The following RBM28 variants were observed in gnomAD, a reference collection of about 807,000 sequenced individuals.
The protein encoded by RBM28 is RNA-binding protein 28.
Under a neutral mutation model 98.3 loss-of-function variants are expected in RBM28, and 78 were observed. The observed-to-expected ratio is 0.79, with a 90% confidence interval of 0.66 to 0.96. The LOEUF (loss-of-function observed/expected upper bound fraction) is 0.96, where lower values mean the gene tolerates loss of function less well. Among genes scored for constraint, RBM28 ranks in the 40% least tolerant of loss-of-function variants. The probability of loss-of-function intolerance (pLI) is 0.00; values close to 1 mark genes in which losing one functional copy is unlikely to be tolerated. For synonymous variants in RBM28, 306 were observed against 330.9 expected (o/e 0.92, Z 0.82); for missense variants, 838 against 913.0 (o/e 0.92, Z 1.06).
In RBM28 at chr7:128,302,423, G is replaced by C. The variant is rs1280859127; in HGVS notation, c.*8374C>G. The C allele has an allele frequency of 6.6e-6, 1 of 152,222 alleles. No individual in the cohort carries two copies. Among genetic ancestry groups the C allele is most frequent in the African/African-American group, 2.4e-5 (1 of 41,446 alleles). 9.4% of individuals were successfully genotyped at this position (152,222 alleles called of 1,614,324 possible). ...CGTCAAATTGCCACAGCTCTCCCCA[G>C]AGATTTTCATGGCTATGGAAAATAA... On this transcript the variant is annotated 3_prime_UTR_variant, in exon 19 of 19. Transcript: ENST00000223073.
At chr7:128,331,657 C>G (rs1274284998) in intron 9 of RBM28, among the ~76,000 whole-genome samples, 1 of 151,840 alleles carries the variant, frequency 6.6e-6, no homozygotes, top group Non-Finnish European at 1.5e-5. Context: ...AAAGCAAATA[C>G]AGTAAAATTT....
chr7:128,343,898 A>G lies in RBM28; in HGVS notation c.-105T>C, dbSNP rs2116403678. Reference sequence around the variant, plus strand: ...GACAACCAAGCTCACACGCCGAGAGATTCCGGAAGTGCTCGTTGCCCAAAA... The same window carrying G: ...GACAACCAAGCTCACACGCCGAGAGGTTCCGGAAGTGCTCGTTGCCCAAAA... On this transcript the variant is annotated 5_prime_UTR_variant, in exon 1 of 19. Transcript: ENST00000223073. The G allele has an allele frequency of 1.4e-6, 1 of 714,288 alleles. No homozygotes were observed. 44.2% of individuals were successfully genotyped at this position (714,288 alleles called of 1,614,324 possible).
Position 128,338,298 on chromosome 7 carries a change from G to A in RBM28, c.493C>T (p.Leu165=), listed in dbSNP as rs1206160303. The A allele has an allele frequency of 6.2e-7, 1 of 1,614,118 alleles. No homozygotes were observed. The highest frequency in any genetic ancestry group is 1.1e-5 in the South Asian group (1 of 91,084). ...GFGFVQFKNL[L]EAGKALKGMN... ...CCTTTGAGAGCTTTACCTGCTTCTAGGAGGTTTTTGAACTGAACAAAACCA... is the reference window on the plus strand; with the variant it reads ...CCTTTGAGAGCTTTACCTGCTTCTAAGAGGTTTTTGAACTGAACAAAACCA... Residue 165 remains leucine, a synonymous_variant, in exon 5 of 19, where the codon CTA becomes TTA. Transcript: ENST00000223073.
chr7:128,334,996 C>G (rs1796566250), intron 8 of RBM28, among the ~76,000 whole-genome samples: 1 of 152,154 alleles, frequency 6.6e-6, no homozygotes, highest in South Asian at 2.1e-4. Flanking sequence ...AGAGCTGCAC[C>G]CAAAATGAAT....
chr7:128,321,263 C>T lies in RBM28; in HGVS notation c.1563+3G>A. 1 of 1,614,152 alleles carries T rather than the reference C, an allele frequency of 6.2e-7. No individual in the cohort carries two copies. The highest frequency in any genetic ancestry group is 1.1e-5 in the South Asian group (1 of 91,070). Reference sequence around the variant, plus strand: ...CTCCAAAATGGTCAGGGCCACGTCTCACCTCCTTGATGCGCACCCCTTTCT... The same window carrying T: ...CTCCAAAATGGTCAGGGCCACGTCTTACCTCCTTGATGCGCACCCCTTTCT... On this transcript the variant is annotated splice_donor_region_variant and intron_variant, in intron 14 of 18. Coordinates refer to ENST00000223073, the MANE Select transcript of RBM28 (RefSeq NM_018077.3).
Position 128,314,898 on chromosome 7 carries a change from C to A in RBM28, c.1911G>T (p.Glu637Asp). The change falls in exon 17 of 19, where the codon GAG (glutamate) becomes GAT (aspartate). Residue 637 changes from glutamate to aspartate, a missense_variant. Physicochemically the swap from Glu to Asp is conservative, Grantham distance 45 (BLOSUM62 2). Transcript: ENST00000223073. ...HTEEQSKVPP[E>D]QKRKAGSTSW... ...AGGTAGAGCCCGCCTTTCTCTTCTG[C>A]TCTGGGGGCACCTTGCTTTGTTCCT... The A allele has an allele frequency of 1.9e-6, 3 of 1,614,228 alleles. No homozygotes were observed. In the East Asian group the frequency reaches 6.7e-5, roughly 36 times the overall value.
intron 10 of RBM28, among the ~76,000 whole-genome samples, chr7:128,326,878 A>G (rs556439146): frequency 2.6e-5 from 4 of 152,048 alleles, no homozygotes; most frequent in Admixed American, 2.6e-4. Context: ...GGTGGCTTAC[A>G]CTTGTAATCC....
rs1796617447 is a variant in RBM28 at position 128,337,118 on chromosome 7, TACC to T, written c.613+10_613+12del. The T allele has an allele frequency of 6.2e-7, 1 of 1,613,420 alleles. No individual in the cohort carries two copies. The highest frequency in any genetic ancestry group is 1.1e-5 in the South Asian group (1 of 91,068). ...TACAACGCCCCTACTCACCCAACACTACCACATCTTACCTATAGCAGAAACAGA... is the reference window on the plus strand; with the variant it reads ...TACAACGCCCCTACTCACCCAACACTACATCTTACCTATAGCAGAAACAGA... On this transcript the variant is annotated intron_variant, in intron 6 of 18. Transcript: ENST00000223073.
chr7:128,319,406 G>A (rs77975033), intron 14 of RBM28, among the ~76,000 whole-genome samples: 3,726 of 152,186 alleles, frequency 0.024, 137 homozygotes, highest in African/African-American at 0.085. Flanking sequence ...CTAAGTATTC[G>A]GATGATAGGA....
chr7:128,325,570 G>A (rs1165933347), intron 11 of RBM28, among the ~76,000 whole-genome samples: 1 of 151,946 alleles, frequency 6.6e-6, no homozygotes, highest in Non-Finnish European at 1.5e-5. Flanking sequence ...ACAAATATCA[G>A]ATACGTTATT....
At chr7:128,319,349 T>C (rs1004448475) in intron 14 of RBM28, among the ~76,000 whole-genome samples, 2 of 152,190 alleles carry the variant, frequency 1.3e-5, no homozygotes, top group Non-Finnish European at 2.9e-5. Context: ...TATTCTAGAA[T>C]AAACATAAAT....
rs564192565 is a variant in RBM28, at chr7:128,313,184, C to G, written c.2136G>C (p.Ser712=). 1.1e-5 allele frequency: 18 copies of G among 1,613,768 alleles called. No homozygotes were observed. The highest frequency in any genetic ancestry group is 1.4e-5 in the Non-Finnish European group (17 of 1,179,786). ...NQWKQEKQQL[S]SEQVSRKKAK... ...GTCCTGCAGAACTCACCTGCTCGGACGATAATTGCTGCTTCTCCTGCTTCC... is the reference window on the plus strand; with the variant it reads ...GTCCTGCAGAACTCACCTGCTCGGAGGATAATTGCTGCTTCTCCTGCTTCC... Residue 712 remains serine (S), a synonymous_variant, in exon 18 of 19, where the codon TCG becomes TCC. Transcript: ENST00000223073.
Position 128,299,350 on chromosome 7 carries a change from G to A in RBM28, c.*11447C>T, listed in dbSNP as rs1370055783. ...CCATGCCTGGCCCTGGAGTGATTTA[G>A]GGCAGGGGGAATATTGGCTTGCTGT... On this transcript the variant is annotated 3_prime_UTR_variant, in exon 19 of 19. Transcript: ENST00000223073. The A allele has an allele frequency of 6.6e-6, 1 of 152,264 alleles. No individual in the cohort carries two copies. The highest frequency in any genetic ancestry group is 2.4e-5 in the African/African-American group (1 of 41,428). 9.4% of individuals were successfully genotyped at this position (152,264 alleles called of 1,614,324 possible). A position where few individuals can be genotyped will look rare whatever the true frequency, so the allele number is the denominator to read the frequency against.
chr7:128,310,970 TC>T (rs1481385071), intron 18 of RBM28, 39 bp from the exon 19 acceptor site: 1 of 1,590,038 alleles, frequency 6.3e-7, no homozygotes, highest in Non-Finnish European at 8.6e-7. Flanking sequence ...ATAATCAATT[TC>T]AAAGACTATA....
Position 128,330,998 on chromosome 7 carries a change from TGTAA to T in RBM28, c.1020-74_1020-71del, listed in dbSNP as rs1204588513. On this transcript the variant is annotated intron_variant, in intron 9 of 18. Coordinates refer to ENST00000223073, the MANE Select transcript of RBM28 (RefSeq NM_018077.3). ...AGTGAGATCCTATGTTCCAGGACAA[TGTAA>T]GTGAGTTAGATATCAACTCTCCCTT... The T allele has an allele frequency of 7.8e-6, 8 of 1,030,884 alleles. No individual in the cohort carries two copies. In the African/African-American group the frequency reaches 9.4e-5, roughly 12 times the overall value. The allele number at this position is 1,030,884 out of a possible 1,614,324, so 63.9% of individuals were successfully genotyped here. A position where few individuals can be genotyped will look rare whatever the true frequency, so the allele number is the denominator to read the frequency against.
chr7:128,339,593 AC>A (rs1796677290), intron 2 of RBM28, 39 bp downstream of exon 2: 2 of 1,596,336 alleles, frequency 1.3e-6, no homozygotes, highest in South Asian at 1.1e-5. Flanking sequence ...GCTCCTCCTC[AC>A]CCTGGGAGAA....
At chr7:128,311,848 T>C (rs918031734) in intron 18 of RBM28, among the ~76,000 whole-genome samples, 3 of 152,190 alleles carry the variant, frequency 2.0e-5, no homozygotes, top group African/African-American at 4.8e-5. Context: ...GATTTTTCTT[T>C]CTAGGGTTCT....
Position 128,321,434 on chromosome 7 carries a change from C to A in RBM28, c.1405-10G>T. 1 of 1,614,008 alleles carries A rather than the reference C, an allele frequency of 6.2e-7. No individual in the cohort carries two copies. The highest frequency in any genetic ancestry group is 8.5e-7 in the Non-Finnish European group (1 of 1,179,924). On this transcript the variant is annotated splice_polypyrimidine_tract_variant and intron_variant, in intron 13 of 18. Coordinates refer to ENST00000223073, the MANE Select transcript of RBM28 (RefSeq NM_018077.3). ...GCTTCAGCAGCTCAAACTGAAAGAA[C>A]AACCAATGGTTAACAGTACAACCCA...
chr7:128,338,007 C>T (rs781092733), intron 5 of RBM28, among the ~76,000 whole-genome samples: 2 of 152,156 alleles, frequency 1.3e-5, no homozygotes, highest in Non-Finnish European at 2.9e-5. Context: ...ATCTCAGGGA[C>T]ATTTTTCACT....
Sources: allele counts gnomAD v4.1 joint callset (sites outside exome capture counted in the v4.1 genomes callset), GRCh38; gene constraint gnomAD v4.1.1; transcripts MANE v1.5; gene names NCBI Gene and HGNC (gene_info 2026-07-23, HGNC 2026-07-21).